Variants in GTPBP2 observed in about 807,000 individuals in gnomAD.
GTPBP2 encodes the protein GTP-binding protein 2.
A neutral mutation model predicts 63.0 loss-of-function variants in GTPBP2; 32 were observed. That is an observed-to-expected ratio of 0.51 (90% CI 0.38 to 0.68). The LOEUF is 0.68. GTPBP2 is among the 30% of genes least tolerant of loss of function. The probability of loss-of-function intolerance (pLI) is 0.00; values close to 1 mark genes in which losing one functional copy is unlikely to be tolerated. For synonymous variants in GTPBP2, 310 were observed against 322.6 expected, an observed-to-expected ratio of 0.96 and a Z score of 0.42; for missense variants, 492 against 796.9, an observed-to-expected ratio of 0.62 and a Z score of 4.61.
Position 43,629,152 on chromosome 6 carries a change from C to A in GTPBP2, c.11G>T (p.Arg4Leu). The A allele has an allele frequency of 6.9e-7, 1 of 1,451,572 alleles. No individual in the cohort carries two copies. The allele number at this position is 1,451,572 out of a possible 1,614,324, so 89.9% of individuals were successfully genotyped here. A position where few individuals can be genotyped will look rare whatever the true frequency, so the allele number is the denominator to read the frequency against. Residue 4 changes from arginine (R) to leucine (L), a missense_variant, in exon 1 of 12, where the codon CGG (arginine) becomes CTG (leucine). Around this residue, in one of 2 missense-constraint regions of GTPBP2, gnomAD observed 92 missense variants for 86.1 expected, o/e 1.07. Coordinates refer to ENST00000307126, the MANE Select transcript of GTPBP2 (RefSeq NM_019096.5). ...GCAGCCGCCGAACAGCTCCGATACCCGCGAGTCCATCCGCCGCTGCCGCCA... is the reference window on the plus strand; with the variant it reads ...GCAGCCGCCGAACAGCTCCGATACCAGCGAGTCCATCCGCCGCTGCCGCCA... MDS[R>L]VSELFGGCCR... is the part of the protein sequence containing the mutation.
chr6:43,627,669 G>A (rs1235019344), intron 1 of GTPBP2, among the ~76,000 whole-genome samples: 1 of 152,174 alleles, frequency 6.6e-6, no homozygotes, highest in Non-Finnish European at 1.5e-5. Flanking sequence ...GAAGCACCCT[G>A]TTACCTGAGG....
At position 43,626,076 on chromosome 6, in the gene GTPBP2, G is replaced by T; in HGVS notation, c.398+150C>A. The T allele has an allele frequency of 1.3e-6, 1 of 789,422 alleles. No individual in the cohort carries two copies. The highest frequency in any genetic ancestry group is 2.5e-5 in the East Asian group (1 of 40,256). The allele number at this position is 789,422 out of a possible 1,614,324, so 48.9% of individuals were successfully genotyped here. ...GAGCAAAACAGCCTAGGTCCAGTGAGGAGGGGACCAAAACACTAACCCTCC... is the reference window on the plus strand; with the variant it reads ...GAGCAAAACAGCCTAGGTCCAGTGATGAGGGGACCAAAACACTAACCCTCC... On this transcript the variant is annotated intron_variant, in intron 3 of 11. Coordinates refer to ENST00000307126, the MANE Select transcript of GTPBP2 (RefSeq NM_019096.5). This position sits in a 1 kb window ranked among gnomAD's most constrained non-coding sequence, Gnocchi z 4.0.
chr6:43,624,449 G>C lies in GTPBP2; in HGVS notation c.1100+61C>G. 3 of 1,217,510 alleles carry C rather than the reference G, an allele frequency of 2.5e-6. No homozygotes were observed. Among genetic ancestry groups the C allele is most frequent in the Non-Finnish European group, 3.6e-6 (3 of 831,832 alleles). The allele number at this position is 1,217,510 out of a possible 1,614,324, so 75.4% of individuals were successfully genotyped here. The stretch of plus-strand genomic sequence containing the variant: ...GGAGAAGTAGGATATCATGCTTCTG[G>C]GCCCTGGGCTCTGTGGCAGCCTTCC... On this transcript the variant is annotated intron_variant, in intron 7 of 11. Transcript: ENST00000307126. This position sits in a 1 kb window ranked among gnomAD's most constrained non-coding sequence, Gnocchi z 5.1.
At chr6:43,629,341 A>G (rs1471794952), upstream of GTPBP2, 1 of 165,694 alleles carries the variant, frequency 6.0e-6, no homozygotes, top group Non-Finnish European at 1.2e-5. Context: ...GCGGGGCACC[A>G]CGGGATATAG....
chr6:43,622,207 T>G lies in GTPBP2; in HGVS notation c.1468-40A>C. The G allele has an allele frequency of 1.3e-6, 2 of 1,577,180 alleles. No individual in the cohort carries two copies. The highest frequency in any genetic ancestry group is 2.3e-5 in the East Asian group (1 of 44,358). On this transcript the variant is annotated intron_variant, in intron 10 of 11. Coordinates refer to ENST00000307126, the MANE Select transcript of GTPBP2 (RefSeq NM_019096.5). This position sits in a 1 kb window ranked among gnomAD's most constrained non-coding sequence, Gnocchi z 5.4. ...ACCCCAGGCCCAGGAAGGGCAGCTC[T>G]AACATCAGACTCTCCCTCCCCAGCC...
intron 1 of GTPBP2, chr6:43,628,490 G>GTGTGTC: frequency 1.2e-6 from 1 of 816,492 alleles, no homozygotes; most frequent in Non-Finnish European, 1.5e-6. Context: ...GTGTGTGTGT[G>GTGTGTC]TGTGTGTGTG....
intron 9 of GTPBP2, 58 bp downstream of exon 9, chr6:43,623,679 T>C: frequency 2.4e-6 from 3 of 1,259,862 alleles, no homozygotes; most frequent in Non-Finnish European, 3.5e-6. Context: ...TGGGCCAGGA[T>C]GTCTTTGAGT....
rs1769085711 is a variant in GTPBP2 at position 43,624,173 on chromosome 6, CT to C, written c.1101-106del. 3.0e-6 allele frequency: 3 copies of C among 1,013,612 alleles called. No homozygotes were observed. The African/African-American group carries it at 4.8e-5, about 16-fold the overall frequency. The allele number at this position is 1,013,612 out of a possible 1,614,324, so 62.8% of individuals were successfully genotyped here. A position where few individuals can be genotyped will look rare whatever the true frequency, so the allele number is the denominator to read the frequency against. On this transcript the variant is annotated intron_variant, in intron 7 of 11. Transcript: ENST00000307126. This position sits in a 1 kb window ranked among gnomAD's most constrained non-coding sequence, Gnocchi z 5.1. ...TGAGCTTTGTTCTGGCTGGGGGCCC[CT>C]CTCTCCTGTCTGCAAATGGCTCAGG...
Position 43,626,500 on chromosome 6 carries a change from ACTTT to A in GTPBP2, c.214-94_214-91del. 2.0e-6 allele frequency: 2 copies of A among 1,022,502 alleles called. No homozygotes were observed. Among genetic ancestry groups the A allele is most frequent in the Admixed American group, 2.1e-5 (1 of 47,328 alleles). The allele number at this position is 1,022,502 out of a possible 1,614,324, so 63.3% of individuals were successfully genotyped here. ...CACCTGTTCTGCTGCAAGGACCAGGACTTTCTCTTTCCACTTAAACTCATACCTG... is the reference window on the plus strand; with the variant it reads ...CACCTGTTCTGCTGCAAGGACCAGGACTCTTTCCACTTAAACTCATACCTG... On this transcript the variant is annotated intron_variant, in intron 2 of 11. Transcript: ENST00000307126. This position sits in a 1 kb window ranked among gnomAD's most constrained non-coding sequence, Gnocchi z 4.0.
At chr6:43,627,481 TA>T (rs1769463738) in intron 1 of GTPBP2, 1 of 238,076 alleles carries the variant, frequency 4.2e-6, no homozygotes, top group Admixed American at 6.5e-5. Flanking sequence ...CGAGAAGATC[TA>T]GGTGAGAGAG....
chr6:43,630,082 C>T (rs1199450961), upstream of GTPBP2, among the ~76,000 whole-genome samples: 2 of 152,168 alleles, frequency 1.3e-5, no homozygotes, highest in African/African-American at 2.4e-5. Context: ...GTAGGAGGGG[C>T]CTGGCCCCTA....
Position 43,622,144 on chromosome 6 carries a change from C to T in GTPBP2, c.1491G>A (p.Glu497=). The T allele has an allele frequency of 6.2e-7, 1 of 1,612,462 alleles. No homozygotes were observed. Among genetic ancestry groups the T allele is most frequent in the Non-Finnish European group, 8.5e-7 (1 of 1,178,570 alleles). The stretch of plus-strand genomic sequence containing the variant: ...ACACCGAGCAGATGGTAGGATTCAT[C>T]TCCGGGCTCACCATCACCATGCCCT... ...LRKGMVMVSP[E]MNPTICSVFE... The change falls in exon 11 of 12, where the codon GAG becomes GAA. Residue 497 remains glutamate (E), a synonymous_variant. Coordinates refer to ENST00000307126, the MANE Select transcript of GTPBP2 (RefSeq NM_019096.5). The surrounding 1 kb of genome is among the most constrained non-coding windows in gnomAD (Gnocchi z 5.4).
intron 9 of GTPBP2, chr6:43,623,514 CAG>C (rs1439704060): frequency 1.7e-6 from 1 of 575,660 alleles, no homozygotes; most frequent in East Asian, 2.8e-5. Flanking sequence ...ACTTCTCTCT[CAG>C]GGGCCTGGAG....
In GTPBP2 at chr6:43,628,366, A is replaced by T. The variant is rs61508008; in HGVS notation, c.186+611T>A. 5.6e-3 allele frequency among the ~76,000 whole-genome samples: 846 copies of T among 152,092 alleles called. 7 individuals are homozygous for T. The highest frequency in any genetic ancestry group is 0.019 in the African/African-American group (774 of 41,388). On this transcript the variant is annotated intron_variant, in intron 1 of 11. Coordinates refer to ENST00000307126, the MANE Select transcript of GTPBP2 (RefSeq NM_019096.5). ...GGGTAACAGAGACTCCGTCTCAAAA[A>T]AAATAAATAAATAAATAATAAAAAA...
chr6:43,622,818 G>A lies in GTPBP2; in HGVS notation c.1296-14C>T. ...CGGCAAATCCCACTGCAGCCCAGAG[G>A]GCAGGTGGCACAGTGTCAGCCAAGG... On this transcript the variant is annotated splice_polypyrimidine_tract_variant and intron_variant, in intron 9 of 11. Transcript: ENST00000307126. The surrounding 1 kb of genome is among the most constrained non-coding windows in gnomAD (Gnocchi z 5.4). 2 of 1,603,744 alleles carry A rather than the reference G, an allele frequency of 1.2e-6. No homozygotes were observed. The highest frequency in any genetic ancestry group is 1.7e-6 in the Non-Finnish European group (2 of 1,173,382).
At chr6:43,627,010 A>C in intron 1 of GTPBP2, 62 bp from the exon 2 acceptor site, 1 of 1,411,432 alleles carries the variant, frequency 7.1e-7, no homozygotes, top group Non-Finnish European at 9.8e-7. Flanking sequence ...CTTCCCCTCA[A>C]TTCCCACTGG....
rs554655370 is a variant in GTPBP2 at position 43,621,378 on chromosome 6, G to A, written c.*236C>T. 1 of 1,503,050 alleles carries A rather than the reference G, an allele frequency of 6.7e-7. No individual in the cohort carries two copies. The highest frequency in any genetic ancestry group is 1.2e-5 in the South Asian group (1 of 82,724). The allele number at this position is 1,503,050 out of a possible 1,614,324, so 93.1% of individuals were successfully genotyped here. A position where few individuals can be genotyped will look rare whatever the true frequency, so the allele number is the denominator to read the frequency against. On this transcript the variant is annotated 3_prime_UTR_variant, in exon 12 of 12. Transcript: ENST00000307126. ...TTGCCAGGTTTGATGAGCCAACCAG[G>A]TGAGCACACAGCTTCGGAGCACTGC...
chr6:43,625,523 TCCACATTC>T lies in GTPBP2; in HGVS notation c.537_544del (p.Asn180LeufsTer32). On this transcript the variant is annotated frameshift_variant, in exon 5 of 12. Coordinates refer to ENST00000307126, the MANE Select transcript of GTPBP2 (RefSeq NM_019096.5). LOFTEE classifies it high-confidence loss of function. This position sits in a 1 kb window ranked among gnomAD's most constrained non-coding sequence, Gnocchi z 5.1. The stretch of plus-strand genomic sequence containing the variant: ...TCCAAGCAGAGTTGACTTCCCAGAG[TCCACATTC>T]CCCAGGACGGCCACACGGAGGTCTA... 1.2e-6 allele frequency: 2 copies of T among 1,613,788 alleles called. No homozygotes were observed. Among genetic ancestry groups the T allele is most frequent in the South Asian group, 2.2e-5 (2 of 91,078 alleles).
At position 43,624,379 on chromosome 6, in the gene GTPBP2, C is replaced by T; in HGVS notation, c.1100+131G>A. ...TTAGCAAGATGCCCCTCCACAATCC[C>T]AAGCTGAAACACCCGCAGAACTAAG... On this transcript the variant is annotated intron_variant, in intron 7 of 11. Coordinates refer to ENST00000307126, the MANE Select transcript of GTPBP2 (RefSeq NM_019096.5). The surrounding 1 kb of genome is among the most constrained non-coding windows in gnomAD (Gnocchi z 5.1). 1.4e-6 allele frequency: 1 copy of T among 725,054 alleles called. No individual in the cohort carries two copies. Among genetic ancestry groups the T allele is most frequent in the Non-Finnish European group, 2.3e-6 (1 of 427,358 alleles). The allele number at this position is 725,054 out of a possible 1,614,324, so 44.9% of individuals were successfully genotyped here.
Sources: gnomAD v4.1 joint callset for allele counts (sites outside exome capture counted in the v4.1 genomes callset) on GRCh38, gnomAD v4.1.1 for gene constraint, gnomAD v4.1.1 regional missense constraint, Gnocchi (gnomAD v3.1) non-coding constraint, MANE v1.5 for transcripts, NCBI Gene and HGNC (gene_info 2026-07-23, HGNC 2026-07-21) for gene names.